Variants in MCTP1 observed in about 807,000 individuals in gnomAD.
MCTP1 encodes the protein multiple C2 and transmembrane domain containing 1, also known as multiple C2 and transmembrane domain-containing protein 1.
Under a neutral mutation model 120.6 loss-of-function variants are expected in MCTP1, and 69 were observed. The observed-to-expected ratio is 0.57, with a 90% confidence interval of 0.47 to 0.70. The LOEUF (loss-of-function observed/expected upper bound fraction) is 0.70, where lower values mean the gene tolerates loss of function less well. MCTP1 is among the 30% of genes least tolerant of loss of function. The pLI is 0.00. For missense variants in MCTP1, 1,203 were observed against 1,248.8 expected (o/e 0.96, Z 0.55); for synonymous variants, 529 against 493.1 (o/e 1.07, Z -0.96).
At chr5:95,189,954 T>C (rs1196753049) in intron 1 of MCTP1, among the ~76,000 whole-genome samples, 1 of 152,044 alleles carries the variant, frequency 6.6e-6, no homozygotes, top group African/African-American at 2.4e-5. Flanking sequence ...TTAAATGATA[T>C]GGAAAATATT....
At chr5:95,264,348 A>C (rs753466158) in intron 1 of MCTP1, among the ~76,000 whole-genome samples, 1 of 152,244 alleles carries the variant, frequency 6.6e-6, no homozygotes, top group African/African-American at 2.4e-5. Context: ...ATTCAGGAAG[A>C]AAAGCATTAA....
chr5:94,713,792 G>T (rs1025333052), intron 20 of MCTP1, among the ~76,000 whole-genome samples: 8 of 152,060 alleles, frequency 5.3e-5, no homozygotes, highest in African/African-American at 1.9e-4. Context: ...AAAATAAAAT[G>T]CATTATCCCT....
intron 5 of MCTP1, among the ~76,000 whole-genome samples, chr5:94,933,642 T>C (rs1490209386): frequency 1.3e-5 from 2 of 151,868 alleles, no homozygotes; most frequent in African/African-American, 4.8e-5. Flanking sequence ...TCACTTATCA[T>C]CATTATCTAG....
At chr5:95,268,458 G>T (rs760597371) in intron 1 of MCTP1, among the ~76,000 whole-genome samples, 1 of 152,194 alleles carries the variant, frequency 6.6e-6, no homozygotes. Context: ...AGATGTAGGG[G>T]ATCGATCAAG....
rs1178164079 is a variant in MCTP1 at position 94,715,043 on chromosome 5, TAAAG to T, written c.2611-161_2611-158del. Among the ~76,000 whole-genome samples the T allele has an allele frequency of 5.3e-5, 8 of 152,100 alleles. No homozygotes were observed. The South Asian group carries it at 1.3e-3, about 24-fold the overall frequency. On this transcript the variant is annotated intron_variant, in intron 19 of 22. Transcript: ENST00000515393. ...TGGAACCCATGAAAATATCAGGATT[TAAAG>T]GAAGATGAGGAGGAAGGGGACCCAG...
At chr5:95,009,423 C>G (rs547116604) in intron 2 of MCTP1, among the ~76,000 whole-genome samples, 1 of 151,806 alleles carries the variant, frequency 6.6e-6, no homozygotes, top group Non-Finnish European at 1.5e-5. Flanking sequence ...AAAAACCCAA[C>G]CTAATGAAAA....
chr5:94,930,258 T>C (rs1344028414), intron 6 of MCTP1, among the ~76,000 whole-genome samples: 1 of 147,290 alleles, frequency 6.8e-6, no homozygotes, highest in African/African-American at 2.5e-5. Context: ...ATATAATTTT[T>C]AAAGAAGAAT....
chr5:94,952,192 A>AAAAAAAAAAAAAAAAAG (rs1561912862), intron 3 of MCTP1, among the ~76,000 whole-genome samples: 3 of 143,486 alleles, frequency 2.1e-5, no homozygotes, highest in Non-Finnish European at 4.6e-5. Context: ...AAAAAAAAAA[A>AAAAAAAAAAAAAAAAAG]AGCTATTGAA....
Position 94,707,108 on chromosome 5 carries a change from T to TA in MCTP1, c.*387dup, listed in dbSNP as rs1229665910. On this transcript the variant is annotated 3_prime_UTR_variant, in exon 23 of 23. Transcript: ENST00000515393. ...CTTTTCAGATAAAAAATAGTCGCAT[T>TA]AAAAAAAAACTTTAAAATCAAATCG... 130 of 153,816 alleles carry TA rather than the reference T, an allele frequency of 8.5e-4. No homozygotes were observed. The highest frequency in any genetic ancestry group is 7.4e-3 in the South Asian group (36 of 4,836). 9.5% of individuals were successfully genotyped at this position (153,816 alleles called of 1,614,324 possible).
At chr5:95,150,938 T>C (rs1023315821) in intron 1 of MCTP1, among the ~76,000 whole-genome samples, 1 of 152,210 alleles carries the variant, frequency 6.6e-6, no homozygotes, top group Admixed American at 6.5e-5. Context: ...TAATGTATAC[T>C]GTAATCTTAC....
chr5:95,012,126 T>TAC (rs1034327248), intron 2 of MCTP1, among the ~76,000 whole-genome samples: 1 of 152,078 alleles, frequency 6.6e-6, no homozygotes, highest in Non-Finnish European at 1.5e-5. Context: ...TTAGGAAATA[T>TAC]ACACACACAC....
intron 15 of MCTP1, 136 bp downstream of exon 15, chr5:94,870,736 G>A (rs1239093250): frequency 2.8e-6 from 2 of 711,420 alleles, no homozygotes; most frequent in Admixed American, 5.0e-5. Flanking sequence ...CCAGGCAGTG[G>A]CAGAAGCGTA....
At chr5:94,981,230 T>G (rs1829341202) in intron 2 of MCTP1, among the ~76,000 whole-genome samples, 1 of 152,256 alleles carries the variant, frequency 6.6e-6, no homozygotes, top group Admixed American at 6.5e-5. Context: ...ACTGGTAAGT[T>G]TAATAAAAGA....
In MCTP1 at chr5:94,704,579, A is replaced by G. The variant is rs193003065; in HGVS notation, c.*2917T>C. The G allele has an allele frequency of 2.0e-4, 31 of 151,396 alleles. No homozygotes were observed. The highest frequency in any genetic ancestry group is 7.5e-4 in the African/African-American group (31 of 41,436). The allele number at this position is 151,396 out of a possible 1,614,324, so 9.4% of individuals were successfully genotyped here. A position where few individuals can be genotyped will look rare whatever the true frequency, so the allele number is the denominator to read the frequency against. On this transcript the variant is annotated 3_prime_UTR_variant, in exon 23 of 23. Transcript: ENST00000515393. Reference sequence around the variant, plus strand: ...TCTTCACTTTTAAATGCAGAATAAAAATTTTATAAAAGATAATTTTAGAAA... The same window carrying G: ...TCTTCACTTTTAAATGCAGAATAAAGATTTTATAAAAGATAATTTTAGAAA...
intron 1 of MCTP1, among the ~76,000 whole-genome samples, chr5:95,204,061 C>A (rs1742755242): frequency 6.6e-6 from 1 of 152,226 alleles, no homozygotes; most frequent in South Asian, 2.1e-4. Context: ...AATACTAGAA[C>A]AAGTTGAATG....
At chr5:94,741,332 G>C (rs1561555547) in intron 19 of MCTP1, among the ~76,000 whole-genome samples, 1 of 152,124 alleles carries the variant, frequency 6.6e-6, no homozygotes, top group Non-Finnish European at 1.5e-5. Flanking sequence ...TATAAAAATG[G>C]AACACTCGTT....
chr5:95,213,350 A>T (rs1177198647), intron 1 of MCTP1, among the ~76,000 whole-genome samples: 1 of 152,232 alleles, frequency 6.6e-6, no homozygotes, highest in East Asian at 1.9e-4. Flanking sequence ...ACCACTGCTC[A>T]ATGAAATAGA....
chr5:94,953,479 T>A, intron 2 of MCTP1, 118 bp from the exon 3 acceptor site: 1 of 717,316 alleles, frequency 1.4e-6, no homozygotes, highest in Non-Finnish European at 2.1e-6. Flanking sequence ...AAATTATCTA[T>A]GCAGAAATAA....
rs1817934755 is a variant in MCTP1, at chr5:94,942,416, A to G, written c.993T>C (p.Tyr331=). 1.9e-6 allele frequency: 3 copies of G among 1,609,320 alleles called. No individual in the cohort carries two copies. Among genetic ancestry groups the G allele is most frequent in the East Asian group, 4.5e-5 (2 of 44,780 alleles). Residue 331 remains tyrosine, a synonymous_variant, in exon 4 of 23, where the codon TAT becomes TAC. Transcript: ENST00000515393. ...REPLYIKVFD[Y]DFGLQDDFMG... ...TAAAGTCATCCTGTAGTCCAAAATCATAGTCAAATACCTGAGATGCCAAAG... is the reference window on the plus strand; with the variant it reads ...TAAAGTCATCCTGTAGTCCAAAATCGTAGTCAAATACCTGAGATGCCAAAG...
Sources: allele counts gnomAD v4.1 joint callset (sites outside exome capture counted in the v4.1 genomes callset), GRCh38; gene constraint gnomAD v4.1.1; transcripts MANE v1.5; gene names NCBI Gene and HGNC (gene_info 2026-07-23, HGNC 2026-07-21).